RSBN1L: variants seen among roughly 807,000 people sequenced by gnomAD.
RSBN1L encodes the protein lysine-specific demethylase RSBN1L.
A neutral mutation model predicts 67.7 loss-of-function variants in RSBN1L; 30 were observed. That is an observed-to-expected ratio of 0.44 (90% CI 0.33 to 0.60). The LOEUF is 0.60. Among genes scored for constraint, RSBN1L ranks in the 20% least tolerant of loss-of-function variants. RSBN1L has a pLI of 0.02. For synonymous variants in RSBN1L, 433 were observed against 387.0 expected, an observed-to-expected ratio of 1.12 and a Z score of -1.39; for missense variants, 992 against 1,031.7, an observed-to-expected ratio of 0.96 and a Z score of 0.53.
chr7:77,717,499 T>G (rs1791063983), intron 1 of RSBN1L, among the ~76,000 whole-genome samples: 1 of 152,218 alleles, frequency 6.6e-6, no homozygotes, highest in Admixed American at 6.5e-5. Context: ...TTGTGGTACT[T>G]CAAGCATTGT....
intron 1 of RSBN1L, among the ~76,000 whole-genome samples, chr7:77,731,895 G>A (rs1791276853): frequency 6.6e-6 from 1 of 150,696 alleles, no homozygotes; most frequent in Middle Eastern, 3.2e-3. Context: ...ACCGTTTGTT[G>A]GAAAGACTTC....
intron 2 of RSBN1L, among the ~76,000 whole-genome samples, chr7:77,748,692 G>A (rs748884557): frequency 7.9e-5 from 12 of 152,004 alleles, no homozygotes; most frequent in East Asian, 5.9e-4. Context: ...GCTCTCTTGG[G>A]CGGGGTGGTC....
At chr7:77,704,171 C>T (rs891418841) in intron 1 of RSBN1L, among the ~76,000 whole-genome samples, 1 of 152,172 alleles carries the variant, frequency 6.6e-6, no homozygotes, top group African/African-American at 2.4e-5. Context: ...CTAATTTTCT[C>T]ATGGTGTCCT....
chr7:77,750,659 G>T (rs1316967786), intron 3 of RSBN1L, among the ~76,000 whole-genome samples: 1 of 152,164 alleles, frequency 6.6e-6, no homozygotes, highest in Non-Finnish European at 1.5e-5. Context: ...GAACATCAGT[G>T]TGGGCCCATC....
chr7:77,720,128 A>G (rs182425471), intron 1 of RSBN1L, among the ~76,000 whole-genome samples: 36 of 152,110 alleles, frequency 2.4e-4, no homozygotes, highest in Admixed American at 4.6e-4. Context: ...TTATTGTAGT[A>G]TTTTTGTAAC....
At chr7:77,766,043 C>CT (rs1337950404) in intron 4 of RSBN1L, among the ~76,000 whole-genome samples, 1 of 152,190 alleles carries the variant, frequency 6.6e-6, no homozygotes, top group Non-Finnish European at 1.5e-5. Flanking sequence ...CATTCCTAAA[C>CT]TAAATTCCAG....
intron 1 of RSBN1L, among the ~76,000 whole-genome samples, chr7:77,724,425 CTTTTTT>C (rs1353285039): frequency 1.4e-5 from 2 of 146,966 alleles, no homozygotes; most frequent in African/African-American, 5.0e-5. Context: ...CTTTCTTTTT[CTTTTTT>C]CTTTTTTTTT....
chr7:77,760,988 A>G (rs1023729759), intron 3 of RSBN1L, among the ~76,000 whole-genome samples: 2 of 152,256 alleles, frequency 1.3e-5, no homozygotes, highest in Non-Finnish European at 2.9e-5. Flanking sequence ...TAACTACACC[A>G]GAAAACTGGT....
At chr7:77,743,329 T>C (rs1028088826) in intron 2 of RSBN1L, among the ~76,000 whole-genome samples, 1 of 152,194 alleles carries the variant, frequency 6.6e-6, no homozygotes, top group African/African-American at 2.4e-5. Context: ...CCAGGTGCAG[T>C]GGCTCATGCC....
intron 6 of RSBN1L, among the ~76,000 whole-genome samples, chr7:77,773,762 C>T (rs193275454): frequency 7.9e-5 from 12 of 152,156 alleles, no homozygotes; most frequent in East Asian, 1.9e-4. Context: ...GACTCCATCT[C>T]GAACAAAAAC....
chr7:77,696,911 G>A lies in RSBN1L; in HGVS notation c.442G>A (p.Ala148Thr), dbSNP rs764246568. The change falls in exon 1 of 8, where the codon GCC (alanine) becomes ACC (threonine). Residue 148 changes from alanine (A) to threonine (T), a missense_variant. This residue lies in a region of RSBN1L where 575 missense variants were observed against 483.2 expected (regional missense o/e 1.19). Coordinates refer to ENST00000334955, the MANE Select transcript of RSBN1L (RefSeq NM_198467.3). ...QPHHLLLPAA[A>T]AAASANAKSR... is the part of the protein sequence containing the mutation. Reference sequence around the variant, plus strand: ...TCACCATCTCCTCCTGCCCGCCGCCGCCGCCGCTGCCTCGGCTAACGCCAA... The same window carrying A: ...TCACCATCTCCTCCTGCCCGCCGCCACCGCCGCTGCCTCGGCTAACGCCAA... 18 of 1,603,402 alleles carry A rather than the reference G, an allele frequency of 1.1e-5. No homozygotes were observed. The highest frequency in any genetic ancestry group is 1.4e-5 in the Non-Finnish European group (17 of 1,179,416).
chr7:77,718,982 A>G (rs1056472684), intron 1 of RSBN1L, among the ~76,000 whole-genome samples: 2 of 152,150 alleles, frequency 1.3e-5, no homozygotes, highest in African/African-American at 4.8e-5. Flanking sequence ...CTCTTTCTCC[A>G]AGTTGTTTCA....
intron 1 of RSBN1L, among the ~76,000 whole-genome samples, chr7:77,703,742 C>A (rs1782586439): frequency 6.6e-6 from 1 of 152,104 alleles, no homozygotes; most frequent in Admixed American, 6.5e-5. Context: ...CCTGCCTCGG[C>A]CTCCCAAAGT....
rs954992138 is a variant in RSBN1L at position 77,757,128 on chromosome 7, A to G, written c.1344+7064A>G. ...GAAACTAAAAGATGACAAATTATGTAGCTGTTTCTATGATTTTTGTAGTGA... is the reference window on the plus strand; with the variant it reads ...GAAACTAAAAGATGACAAATTATGTGGCTGTTTCTATGATTTTTGTAGTGA... On this transcript the variant is annotated intron_variant, in intron 3 of 7. Coordinates refer to ENST00000334955, the MANE Select transcript of RSBN1L (RefSeq NM_198467.3). 4.6e-5 allele frequency among the ~76,000 whole-genome samples: 7 copies of G among 152,260 alleles called. No individual in the cohort carries two copies. In the East Asian group the frequency reaches 1.2e-3, roughly 25 times the overall value.
At chr7:77,767,415 C>G (rs1791783515) in intron 4 of RSBN1L, among the ~76,000 whole-genome samples, 1 of 151,828 alleles carries the variant, frequency 6.6e-6, no homozygotes, top group African/African-American at 2.4e-5. Context: ...GCTGTGTCAT[C>G]CAGGCTGGAG....
At chr7:77,745,415 A>G (rs189150126) in intron 2 of RSBN1L, among the ~76,000 whole-genome samples, 68 of 152,324 alleles carry the variant, frequency 4.5e-4, no homozygotes, top group Non-Finnish European at 8.1e-4. Flanking sequence ...ATAATGATGG[A>G]AAAGGAGGTA....
intron 2 of RSBN1L, among the ~76,000 whole-genome samples, chr7:77,744,183 C>T (rs1260923724): frequency 6.6e-6 from 1 of 151,866 alleles, no homozygotes; most frequent in Non-Finnish European, 1.5e-5. Context: ...GGGCATGTAC[C>T]AACATGCCCA....
chr7:77,717,000 G>T (rs1427156394), intron 1 of RSBN1L, among the ~76,000 whole-genome samples: 1 of 140,316 alleles, frequency 7.1e-6, no homozygotes, highest in South Asian at 2.3e-4. Flanking sequence ...TTGCTCTGTT[G>T]CCCAGGCTGG....
At chr7:77,768,170 T>G (rs1459407603) in intron 4 of RSBN1L, among the ~76,000 whole-genome samples, 1 of 152,106 alleles carries the variant, frequency 6.6e-6, no homozygotes, top group East Asian at 1.9e-4. Context: ...TTCTTTCATT[T>G]TAAAATACTT....
Sources: gnomAD v4.1 joint callset for allele counts (sites outside exome capture counted in the v4.1 genomes callset) on GRCh38, gnomAD v4.1.1 for gene constraint, gnomAD v4.1.1 regional missense constraint, MANE v1.5 for transcripts, NCBI Gene and HGNC (gene_info 2026-07-23, HGNC 2026-07-21) for gene names.